GPC5: variants seen among roughly 807,000 people sequenced by gnomAD.
GPC5 encodes glypican 5.
GPC5 carries 47 observed loss-of-function variants against 53.9 expected under a neutral mutation model. That is an observed-to-expected ratio of 0.87 (90% CI 0.69 to 1.11). The LOEUF (loss-of-function observed/expected upper bound fraction) is 1.11, where lower values mean the gene tolerates loss of function less well. Ranked by LOEUF, GPC5 falls within the 50% of genes most tolerant of loss-of-function variation. GPC5 has a pLI of 0.00. For missense variants in GPC5, 748 were observed against 713.1 expected (o/e 1.05, Z -0.56); for synonymous variants, 286 against 263.3 (o/e 1.09, Z -0.84).
chr13:92,204,206 A>G (rs573021681), intron 7 of GPC5, among the ~76,000 whole-genome samples: 12 of 152,332 alleles, frequency 7.9e-5, no homozygotes, highest in Non-Finnish European at 1.5e-4. Context: ...AAATTCAGGA[A>G]TAAATAAATG....
At chr13:92,633,897 G>A (rs1369746114) in intron 7 of GPC5, among the ~76,000 whole-genome samples, 1 of 151,972 alleles carries the variant, frequency 6.6e-6, no homozygotes, top group Non-Finnish European at 1.5e-5. Context: ...GTGTGCATGT[G>A]TTCTTTTGTG....
chr13:91,540,280 A>G (rs1436361829), intron 2 of GPC5, among the ~76,000 whole-genome samples: 1 of 152,098 alleles, frequency 6.6e-6, no homozygotes, highest in Non-Finnish European at 1.5e-5. Context: ...AACTCTGCCC[A>G]CTCACAACAC....
At chr13:92,303,253 G>A (rs1346967632) in intron 7 of GPC5, among the ~76,000 whole-genome samples, 1 of 152,090 alleles carries the variant, frequency 6.6e-6, no homozygotes, top group Non-Finnish European at 1.5e-5. Flanking sequence ...GAGGCAAAAA[G>A]CACTATGCCA....
At chr13:92,354,774 G>C (rs1566553402) in intron 7 of GPC5, among the ~76,000 whole-genome samples, 1 of 152,136 alleles carries the variant, frequency 6.6e-6, no homozygotes, top group Non-Finnish European at 1.5e-5. Flanking sequence ...TGGGGGAAGA[G>C]CATTCCAGGC....
At chr13:91,811,333 C>T (rs1011930878) in intron 5 of GPC5, among the ~76,000 whole-genome samples, 4 of 151,940 alleles carry the variant, frequency 2.6e-5, no homozygotes, top group Admixed American at 6.6e-5. Context: ...ATAAGTGTTA[C>T]TTATCTGTAA....
At chr13:91,571,550 C>T (rs1449608157) in intron 2 of GPC5, among the ~76,000 whole-genome samples, 1 of 151,466 alleles carries the variant, frequency 6.6e-6, no homozygotes, top group African/African-American at 2.4e-5. Context: ...ATGGTGAAAC[C>T]CCATCTCCAC....
chr13:91,774,165 G>T (rs342700), intron 5 of GPC5, among the ~76,000 whole-genome samples: 2 of 151,980 alleles, frequency 1.3e-5, no homozygotes, highest in Non-Finnish European at 2.9e-5. Flanking sequence ...GAGGTACAGT[G>T]TAGAGAGAAA....
chr13:92,655,265 T>C (rs1188672021), intron 7 of GPC5, among the ~76,000 whole-genome samples: 1 of 152,158 alleles, frequency 6.6e-6, no homozygotes, highest in East Asian at 1.9e-4. Context: ...CAAACATTTT[T>C]TGTAATATTC....
chr13:92,048,123 A>G (rs1224812806), intron 6 of GPC5, among the ~76,000 whole-genome samples: 3 of 152,142 alleles, frequency 2.0e-5, no homozygotes, highest in Admixed American at 1.3e-4. Flanking sequence ...AAAGACATGG[A>G]GCCAAATAAT....
chr13:92,066,507 A>G (rs2041168858), intron 6 of GPC5, among the ~76,000 whole-genome samples: 1 of 151,814 alleles, frequency 6.6e-6, no homozygotes, highest in Admixed American at 6.6e-5. Flanking sequence ...TTCCAATGGC[A>G]ATTAACTTTC....
intron 7 of GPC5, among the ~76,000 whole-genome samples, chr13:92,528,088 C>G (rs1356805743): frequency 6.6e-6 from 1 of 152,002 alleles, no homozygotes; most frequent in Non-Finnish European, 1.5e-5. Flanking sequence ...TCCAAAAATG[C>G]TAATCACTAG....
chr13:92,676,419 T>C (rs9589618), intron 7 of GPC5, among the ~76,000 whole-genome samples: 2,792 of 152,260 alleles, frequency 0.018, 105 homozygotes, highest in African/African-American at 0.063. Flanking sequence ...GCCATCACAG[T>C]AAGATATTGC....
At chr13:92,177,485 T>C (rs1469472311) in intron 7 of GPC5, among the ~76,000 whole-genome samples, 1 of 152,192 alleles carries the variant, frequency 6.6e-6, no homozygotes, top group East Asian at 1.9e-4. Flanking sequence ...TTTTTATAAT[T>C]ATACAAATTA....
chr13:92,586,966 G>A (rs77482136), intron 7 of GPC5, among the ~76,000 whole-genome samples: 1,982 of 150,760 alleles, frequency 0.013, 42 homozygotes, highest in African/African-American at 0.046. Context: ...ACACACACGC[G>A]CACACACACA....
chr13:92,260,601 CCT>C (rs754696146), intron 7 of GPC5, among the ~76,000 whole-genome samples: 2 of 152,130 alleles, frequency 1.3e-5, no homozygotes, highest in African/African-American at 2.4e-5. Flanking sequence ...CATCTGTCAT[CCT>C]CTTGTCATGT....
chr13:91,430,498 T>A (rs1879368428), intron 1 of GPC5, among the ~76,000 whole-genome samples: 1 of 152,188 alleles, frequency 6.6e-6, no homozygotes, highest in South Asian at 2.1e-4. Flanking sequence ...AAGACTGGAT[T>A]AAGGATACTT....
At chr13:91,992,746 A>G (rs756805986) in intron 6 of GPC5, among the ~76,000 whole-genome samples, 5 of 152,146 alleles carry the variant, frequency 3.3e-5, no homozygotes, top group Non-Finnish European at 7.4e-5. Context: ...ATAAGCCACC[A>G]TGCCTGGCTA....
Position 91,791,912 on chromosome 13 carries a change from G to A in GPC5, c.1280+35492G>A, listed in dbSNP as rs531558654. On this transcript the variant is annotated intron_variant, in intron 5 of 7. Transcript: ENST00000377067. ...AAAAATAAATAGTTGGTTAAAATACGTATGTATATTCATAACGCTAATATG... is the reference window on the plus strand; with the variant it reads ...AAAAATAAATAGTTGGTTAAAATACATATGTATATTCATAACGCTAATATG... 3.3e-5 allele frequency among the ~76,000 whole-genome samples: 5 copies of A among 152,284 alleles called. No individual in the cohort carries two copies. In the East Asian group the frequency reaches 5.8e-4, roughly 18 times the overall value.
At chr13:91,526,859 G>T (rs1470213891) in intron 2 of GPC5, among the ~76,000 whole-genome samples, 1 of 151,932 alleles carries the variant, frequency 6.6e-6, no homozygotes, top group African/African-American at 2.4e-5. Context: ...GTGGCAGCAG[G>T]AGAGAGAGAG....
Sources: allele counts gnomAD v4.1 joint callset (sites outside exome capture counted in the v4.1 genomes callset), GRCh38; gene constraint gnomAD v4.1.1; transcripts MANE v1.5; gene names NCBI Gene and HGNC (gene_info 2026-07-23, HGNC 2026-07-21).